The following NOL4 variants were observed in gnomAD, a reference collection of about 807,000 sequenced individuals.
NOL4 encodes the protein nucleolar protein 4.
Under a neutral mutation model 75.9 loss-of-function variants are expected in NOL4, and 17 were observed. The ratio of observed to expected loss-of-function variants is 0.22; its 90% CI spans 0.15 to 0.34. The LOEUF (loss-of-function observed/expected upper bound fraction) is 0.34, where lower values mean the gene tolerates loss of function less well. Ranked by LOEUF, NOL4 falls within the 10% of genes least tolerant of loss-of-function variation. The pLI, the probability that NOL4 is intolerant of heterozygous loss-of-function variation, is 1.00. For synonymous variants in NOL4, 292 were observed against 289.9 expected (o/e 1.01, Z -0.07); for missense variants, 614 against 793.5 (o/e 0.77, Z 2.72).
At chr18:34,052,510 G>A (rs1049587393) in intron 5 of NOL4, among the ~76,000 whole-genome samples, 1 of 152,048 alleles carries the variant, frequency 6.6e-6, no homozygotes, top group Non-Finnish European at 1.5e-5. Context: ...ACAAACTTTG[G>A]AGTATCTGTC....
At chr18:34,022,200 C>T (rs2075086715) in intron 5 of NOL4, among the ~76,000 whole-genome samples, 1 of 151,426 alleles carries the variant, frequency 6.6e-6, no homozygotes, top group South Asian at 2.1e-4. Flanking sequence ...TATTATTTCA[C>T]GCCTGGCCTG....
intron 10 of NOL4, among the ~76,000 whole-genome samples, chr18:33,873,319 T>A (rs2063784847): frequency 1.3e-5 from 2 of 151,964 alleles, no homozygotes; most frequent in South Asian, 4.1e-4. Flanking sequence ...TCCCCACACA[T>A]CTGCACTACA....
chr18:34,146,954 C>T (rs1311142816), intron 1 of NOL4, among the ~76,000 whole-genome samples: 1 of 151,916 alleles, frequency 6.6e-6, no homozygotes, highest in Admixed American at 6.6e-5. Context: ...AAGTTGGATT[C>T]CTAGGTATTT....
chr18:33,980,851 A>G (rs1257895497), intron 6 of NOL4, among the ~76,000 whole-genome samples: 1 of 152,080 alleles, frequency 6.6e-6, no homozygotes, highest in East Asian at 1.9e-4. Context: ...CAGAACAAGC[A>G]TCAGAACCAG....
intron 6 of NOL4, among the ~76,000 whole-genome samples, chr18:33,994,588 G>C (rs1164162528): frequency 2.6e-5 from 4 of 151,740 alleles, no homozygotes; most frequent in Non-Finnish European, 5.9e-5. Flanking sequence ...ATACTTTTAA[G>C]TAAATGAAAA....
chr18:34,204,427 C>T lies in NOL4; in HGVS notation c.264+18563G>A, dbSNP rs536356923. Among the ~76,000 whole-genome samples, 12 of 152,136 alleles carry T rather than the reference C, an allele frequency of 7.9e-5. No individual in the cohort carries two copies. In the South Asian group the frequency reaches 2.5e-3, roughly 32 times the overall value. ...GTTTAATATTCTGAGGTTCTCTTAT[C>T]CTTCTCTTATCCTTTTATAATTTTG... On this transcript the variant is annotated intron_variant, in intron 1 of 10. Coordinates refer to ENST00000261592, the MANE Select transcript of NOL4 (RefSeq NM_003787.5).
chr18:34,097,941 A>G (rs1405895138), intron 4 of NOL4, among the ~76,000 whole-genome samples: 1 of 152,200 alleles, frequency 6.6e-6, no homozygotes, highest in African/African-American at 2.4e-5. Flanking sequence ...AAGAAGGTCA[A>G]ATGATCTCAT....
intron 6 of NOL4, among the ~76,000 whole-genome samples, chr18:34,014,046 T>C (rs902006973): frequency 2.6e-5 from 4 of 151,938 alleles, no homozygotes; most frequent in African/African-American, 4.8e-5. Context: ...CAGAAGTCAA[T>C]CCATCGCTCT....
At chr18:34,126,132 T>C (rs370756149) in intron 2 of NOL4, among the ~76,000 whole-genome samples, 8 of 152,140 alleles carry the variant, frequency 5.3e-5, no homozygotes, top group African/African-American at 1.9e-4. Context: ...TGAGTAGTGA[T>C]TGGACAAAGA....
chr18:33,900,068 A>C (rs1208043887), intron 9 of NOL4, among the ~76,000 whole-genome samples: 1 of 152,164 alleles, frequency 6.6e-6, no homozygotes, highest in Non-Finnish European at 1.5e-5. Context: ...TGCTATAAAG[A>C]AATGCCTAAG....
chr18:33,860,632 T>G (rs939117744), intron 10 of NOL4, among the ~76,000 whole-genome samples: 7 of 152,034 alleles, frequency 4.6e-5, no homozygotes, highest in African/African-American at 1.4e-4. Context: ...TATTTCCTTC[T>G]CCTGCCTAAT....
intron 6 of NOL4, among the ~76,000 whole-genome samples, chr18:34,014,086 A>G (rs1428390327): frequency 1.3e-5 from 2 of 151,964 alleles, no homozygotes; most frequent in South Asian, 2.1e-4. Flanking sequence ...TCTTTTTTTA[A>G]AGAGATATTT....
chr18:33,929,994 G>A (rs961333867), intron 9 of NOL4, among the ~76,000 whole-genome samples: 1 of 151,988 alleles, frequency 6.6e-6, no homozygotes, highest in African/African-American at 2.4e-5. Context: ...AAGTTAGTAA[G>A]GCAATTATTT....
At chr18:34,184,096 C>G (rs1600820278) in intron 1 of NOL4, among the ~76,000 whole-genome samples, 1 of 151,828 alleles carries the variant, frequency 6.6e-6, no homozygotes, top group Non-Finnish European at 1.5e-5. Context: ...GACACATACA[C>G]TTACACACAC....
chr18:33,872,051 A>C (rs969088385), intron 10 of NOL4, among the ~76,000 whole-genome samples: 3 of 152,046 alleles, frequency 2.0e-5, no homozygotes, highest in African/African-American at 7.2e-5. Context: ...ATCTCTCTGA[A>C]TCTATGTATC....
At position 33,861,142 on chromosome 18, in the gene NOL4, G is replaced by C. The variant is rs1364725248; in HGVS notation, c.1724-8107C>G. On this transcript the variant is annotated intron_variant, in intron 10 of 10. Transcript: ENST00000261592. ...CGGCTTTGGTATCAGGATGATGGTG[G>C]CCTCATAAAATGAGTTAGGGAGGAT... Among the ~76,000 whole-genome samples, 9 of 152,142 alleles carry C rather than the reference G, an allele frequency of 5.9e-5. No individual in the cohort carries two copies. In the East Asian group the frequency reaches 1.5e-3, roughly 26 times the overall value.
intron 1 of NOL4, chr18:34,222,413 G>A: frequency 1.8e-6 from 2 of 1,134,522 alleles, no homozygotes; most frequent in South Asian, 3.0e-5. Context: ...CGATCTCTGG[G>A]AGTGATCGAG....
At chr18:34,032,431 A>C (rs1331616976) in intron 5 of NOL4, among the ~76,000 whole-genome samples, 1 of 152,122 alleles carries the variant, frequency 6.6e-6, no homozygotes, top group Non-Finnish European at 1.5e-5. Flanking sequence ...CCCAGAGCAC[A>C]GACTCTGGAG....
At chr18:34,141,974 AC>A (rs1401004257) in intron 1 of NOL4, among the ~76,000 whole-genome samples, 6 of 152,268 alleles carry the variant, frequency 3.9e-5, no homozygotes, top group Admixed American at 2.0e-4. Flanking sequence ...AAGAACTCAA[AC>A]AAATTTACAA....
Sources: gnomAD v4.1 joint callset for allele counts (sites outside exome capture counted in the v4.1 genomes callset) on GRCh38, gnomAD v4.1.1 for gene constraint, MANE v1.5 for transcripts, NCBI Gene and HGNC (gene_info 2026-07-23, HGNC 2026-07-21) for gene names.